The following CEACAM21 variants were observed in gnomAD, a reference collection of about 807,000 sequenced individuals.
CEACAM21 encodes the protein CEA cell adhesion molecule 21, also known as cell adhesion molecule CEACAM21.
A neutral mutation model predicts 33.2 loss-of-function variants in CEACAM21; 38 were observed. The observed-to-expected ratio is 1.14, with a 90% CI of 0.88 to 1.50. CEACAM21 has a LOEUF of 1.50. Among genes scored for constraint, CEACAM21 ranks in the 40% most tolerant of loss-of-function variants. CEACAM21 has a pLI of 0.00. For synonymous variants in CEACAM21, 156 were observed against 143.0 expected (o/e 1.09, Z -0.65); for missense variants, 385 against 364.6 (o/e 1.06, Z -0.46).
At chr19:41,561,441 C>A (rs1176375276) in intron 1 of CEACAM21, among the ~76,000 whole-genome samples, 2 of 119,594 alleles carry the variant, frequency 1.7e-5, no homozygotes, top group African/African-American at 3.4e-5. Flanking sequence ...AATAACTAAA[C>A]AGGTGGGGGT....
intron 3 of CEACAM21, among the ~76,000 whole-genome samples, chr19:41,581,915 C>T (rs529926789): frequency 1.3e-5 from 2 of 152,312 alleles, no homozygotes; most frequent in African/African-American, 4.8e-5. Context: ...CATTTCAAAA[C>T]TAATCATGCC....
At chr19:41,556,050 G>A (rs2041504086) in intron 1 of CEACAM21, among the ~76,000 whole-genome samples, 2 of 152,198 alleles carry the variant, frequency 1.3e-5, no homozygotes, top group Non-Finnish European at 2.9e-5. Flanking sequence ...CCCTGACTCT[G>A]GACTCCACAA....
intron 6 of CEACAM21, chr19:41,586,213 A>G (rs1555795427): frequency 5.4e-6 from 3 of 553,724 alleles, no homozygotes; most frequent in East Asian, 3.3e-5. Flanking sequence ...GGGGCCACAG[A>G]TATTCTGGTC....
upstream of CEACAM21, among the ~76,000 whole-genome samples, chr19:41,572,639 C>T (rs1463421100): frequency 6.6e-6 from 1 of 152,158 alleles, no homozygotes; most frequent in African/African-American, 2.4e-5. Flanking sequence ...ACCAGCTCCT[C>T]CAGAAAAGAT....
intron 6 of CEACAM21, chr19:41,586,118 TC>T: frequency 3.3e-6 from 2 of 606,176 alleles, no homozygotes; most frequent in South Asian, 3.9e-5. Flanking sequence ...CAGGAATCCT[TC>T]CCTGTCCCCT....
At chr19:41,580,310 T>TG (rs3030814) in intron 3 of CEACAM21, among the ~76,000 whole-genome samples, 3,145 of 151,330 alleles carry the variant, frequency 0.021, 87 homozygotes, top group African/African-American at 0.067. Flanking sequence ...CCAAATGTGA[T>TG]GGGGGGGGGT....
chr19:41,576,932 C>G (rs1555791270), intron 1 of CEACAM21, among the ~76,000 whole-genome samples: 1 of 152,168 alleles, frequency 6.6e-6, no homozygotes, highest in Non-Finnish European at 1.5e-5. Context: ...CGAAAGAAGT[C>G]TCCCAGGGAT....
intron 2 of CEACAM21, among the ~76,000 whole-genome samples, chr19:41,566,441 G>A (rs1056391185): frequency 3.3e-5 from 5 of 152,180 alleles, no homozygotes; most frequent in South Asian, 2.1e-4. Context: ...TTAAACAAGC[G>A]TTTTTCTCCT....
intron 3 of CEACAM21, among the ~76,000 whole-genome samples, chr19:41,581,945 T>A (rs1403953118): frequency 6.6e-6 from 1 of 152,128 alleles, no homozygotes; most frequent in African/African-American, 2.4e-5. Context: ...TTCCCCAAAG[T>A]CTTAACTCAT....
At chr19:41,568,602 A>G (rs1329097719) in intron 2 of CEACAM21, among the ~76,000 whole-genome samples, 4 of 152,118 alleles carry the variant, frequency 2.6e-5, no homozygotes, top group African/African-American at 7.2e-5. Flanking sequence ...CTAGAGATGC[A>G]TGGGTTTATT....
chr19:41,577,265 G>C lies in CEACAM21; in HGVS notation c.130G>C (p.Glu44Gln). ...GCTCTTTATTGCATCAGCGCCCTTT[G>C]AAGTTGCTGAAGGGGAGAATGTTCA... ...AWLFIASAPF[E>Q]VAEGENVHLS... The change falls in exon 2 of 7, where the codon GAA becomes CAA. Residue 44 changes from glutamate to glutamine, a missense_variant. Transcript: ENST00000401445. The C allele has an allele frequency of 6.2e-7, 1 of 1,614,088 alleles. No individual in the cohort carries two copies. The highest frequency in any genetic ancestry group is 2.2e-5 in the East Asian group (1 of 44,888).
intron 3 of CEACAM21, among the ~76,000 whole-genome samples, chr19:41,580,792 A>G (rs576128162): frequency 1.8e-4 from 27 of 152,258 alleles, no homozygotes; most frequent in Admixed American, 3.9e-4. Flanking sequence ...AATTGATTCA[A>G]TCATTGGCCA....
At chr19:41,570,816 C>T (rs543281394) in intron 2 of CEACAM21, among the ~76,000 whole-genome samples, 3 of 152,096 alleles carry the variant, frequency 2.0e-5, no homozygotes, top group Admixed American at 6.5e-5. Flanking sequence ...ATCTAGTGGG[C>T]GCCTCCTGCT....
chr19:41,586,494 T>C lies in CEACAM21; in HGVS notation c.*31T>C, dbSNP rs374306422. 3.1e-6 allele frequency: 2 copies of C among 638,110 alleles called. No homozygotes were observed. Among genetic ancestry groups the C allele is most frequent in the East Asian group, 4.1e-5 (1 of 24,586 alleles). 39.5% of individuals were successfully genotyped at this position (638,110 alleles called of 1,614,324 possible). A position where few individuals can be genotyped will look rare whatever the true frequency, so the allele number is the denominator to read the frequency against. On this transcript the variant is annotated 3_prime_UTR_variant, in exon 7 of 7. Coordinates refer to ENST00000401445, the MANE Select transcript of CEACAM21 (RefSeq NM_001098506.4). The stretch of plus-strand genomic sequence containing the variant: ...GCTACACTCTGACACAAACATTTAC[T>C]GCTGGATCGACCACAAAGCAGATGT...
chr19:41,586,350 C>T, intron 6 of CEACAM21, 114 bp from the exon 7 acceptor site: 1 of 607,368 alleles, frequency 1.6e-6, no homozygotes, highest in Non-Finnish European at 3.1e-6. Context: ...AGCAGGAACC[C>T]CCTGAGCACA....
At chr19:41,567,451 G>A (rs2042338531) in intron 2 of CEACAM21, among the ~76,000 whole-genome samples, 1 of 152,154 alleles carries the variant, frequency 6.6e-6, no homozygotes, top group Non-Finnish European at 1.5e-5. Context: ...TTGCAGCCCT[G>A]TTTGAATGGT....
At chr19:41,572,070 G>T (rs2042648603), upstream of CEACAM21, among the ~76,000 whole-genome samples, 1 of 151,866 alleles carries the variant, frequency 6.6e-6, no homozygotes, top group Non-Finnish European at 1.5e-5. Context: ...TCAGAAAGAA[G>T]ATGATCTCTA....
chr19:41,561,547 A>C (rs2041882530), intron 1 of CEACAM21, among the ~76,000 whole-genome samples: 1 of 152,216 alleles, frequency 6.6e-6, no homozygotes, highest in African/African-American at 2.4e-5. Flanking sequence ...TGAACTTCCA[A>C]ATAAAATCCT....
chr19:41,563,673 A>G (rs2042049951), intron 1 of CEACAM21, among the ~76,000 whole-genome samples: 2 of 152,266 alleles, frequency 1.3e-5, no homozygotes. Flanking sequence ...TCTGCTGCAG[A>G]GAAAACTCGG....
Sources: allele counts gnomAD v4.1 joint callset (sites outside exome capture counted in the v4.1 genomes callset), GRCh38; gene constraint gnomAD v4.1.1; transcripts MANE v1.5; gene names NCBI Gene and HGNC (gene_info 2026-07-23, HGNC 2026-07-21).